Variants in DLGAP2 observed in about 807,000 individuals in gnomAD.
DLGAP2 encodes DLG associated protein 2.
DLGAP2 carries 26 observed loss-of-function variants against 100.3 expected under a neutral mutation model. The observed-to-expected ratio is 0.26, with a 90% CI of 0.19 to 0.36. DLGAP2 has a LOEUF of 0.36. Ranked by LOEUF, DLGAP2 falls within the 10% of genes least tolerant of loss-of-function variation. The pLI, the probability that DLGAP2 is intolerant of heterozygous loss-of-function variation, is 1.00. For missense variants in DLGAP2, 1,858 were observed against 1,453.2 expected, an observed-to-expected ratio of 1.28 and a Z score of -4.53; for synonymous variants, 886 against 630.1, an observed-to-expected ratio of 1.41 and a Z score of -6.08.
At chr8:1,366,058 AG>A (rs1764570134) in intron 3 of DLGAP2, among the ~76,000 whole-genome samples, 1 of 152,246 alleles carries the variant, frequency 6.6e-6, no homozygotes, top group South Asian at 2.1e-4. Flanking sequence ...GCAGCCGGGC[AG>A]GGGCAGATGT....
At chr8:1,684,293 C>T (rs568468895) in intron 12 of DLGAP2, among the ~76,000 whole-genome samples, 12 of 152,060 alleles carry the variant, frequency 7.9e-5, no homozygotes, top group African/African-American at 2.7e-4. Context: ...TGTCAAAACA[C>T]TTGTTATGCC....
intron 3 of DLGAP2, among the ~76,000 whole-genome samples, chr8:1,349,921 C>G (rs1487828333): frequency 6.6e-6 from 1 of 152,202 alleles, no homozygotes; most frequent in Non-Finnish European, 1.5e-5. Context: ...ACACATTTGC[C>G]TATATCTCTA....
At chr8:941,513 C>A (rs1176901527) in intron 2 of DLGAP2, among the ~76,000 whole-genome samples, 1 of 152,190 alleles carries the variant, frequency 6.6e-6, no homozygotes, top group Non-Finnish European at 1.5e-5. Flanking sequence ...CTTTAAAAAC[C>A]GTGGAAGAGT....
At chr8:1,516,284 TG>T (rs914753649) in intron 4 of DLGAP2, among the ~76,000 whole-genome samples, 19 of 152,034 alleles carry the variant, frequency 1.2e-4, no homozygotes, top group African/African-American at 4.6e-4. Context: ...AGTGACTGAA[TG>T]AGTGCATGAA....
At chr8:951,923 C>G (rs979006747) in intron 2 of DLGAP2, among the ~76,000 whole-genome samples, 17 of 152,350 alleles carry the variant, frequency 1.1e-4, no homozygotes, top group Admixed American at 9.1e-4. Flanking sequence ...AGCAAAGTAA[C>G]TTGAAGAGTA....
chr8:1,586,909 G>C (rs1287799154), intron 6 of DLGAP2, among the ~76,000 whole-genome samples: 1 of 152,276 alleles, frequency 6.6e-6, no homozygotes. Context: ...AAGCTTTTAT[G>C]CTTTCACCTT....
intron 1 of DLGAP2, among the ~76,000 whole-genome samples, chr8:784,946 G>A (rs560654575): frequency 5.9e-5 from 9 of 151,684 alleles, no homozygotes; most frequent in African/African-American, 1.7e-4. Context: ...GGTGGCTCAC[G>A]CCTGTAATCC....
chr8:779,984 C>G (rs1821643406), intron 1 of DLGAP2, among the ~76,000 whole-genome samples: 1 of 152,156 alleles, frequency 6.6e-6, no homozygotes, highest in Non-Finnish European at 1.5e-5. Flanking sequence ...TGTCACCTCA[C>G]CAACTTACCA....
intron 4 of DLGAP2, among the ~76,000 whole-genome samples, chr8:1,545,050 A>T (rs1266354498): frequency 6.6e-6 from 1 of 152,068 alleles, no homozygotes; most frequent in Admixed American, 6.6e-5. Flanking sequence ...GGCTTTTTGC[A>T]TCTCTATTTA....
Position 973,290 on chromosome 8 carries a change from C to T in DLGAP2, c.73+65324C>T, listed in dbSNP as rs532540585. Among the ~76,000 whole-genome samples, 492 of 148,424 alleles carry T rather than the reference C, an allele frequency of 3.3e-3. 4 individuals carry two copies. The highest frequency in any genetic ancestry group is 9.1e-3 in the African/African-American group (371 of 40,840). On this transcript the variant is annotated intron_variant, in intron 2 of 14. Coordinates refer to ENST00000637795, the MANE Select transcript of DLGAP2 (RefSeq NM_001346810.2). ...CTCCCGGACGGGGCAGCTGGCCGGG[C>T]GGGGGCTGTCCCCCCACCTCCCAGA... is the stretch of plus-strand genomic sequence containing the variant.
At chr8:1,138,161 T>C (rs1198257970) in intron 2 of DLGAP2, among the ~76,000 whole-genome samples, 1 of 151,744 alleles carries the variant, frequency 6.6e-6, no homozygotes, top group African/African-American at 2.4e-5. Flanking sequence ...GGAAACGGGG[T>C]GTCTCCCAGC....
chr8:1,669,941 A>C (rs1798648429), intron 10 of DLGAP2, among the ~76,000 whole-genome samples, 157 bp downstream of exon 10: 2 of 152,176 alleles, frequency 1.3e-5, no homozygotes, highest in African/African-American at 4.8e-5. Context: ...AGATGAGGAC[A>C]AGGGGCTCAC....
chr8:1,116,547 G>T (rs1805123354), intron 2 of DLGAP2, among the ~76,000 whole-genome samples: 1 of 152,248 alleles, frequency 6.6e-6, no homozygotes, highest in East Asian at 1.9e-4. Context: ...TACAATCCCT[G>T]CACTTAGGGA....
At chr8:1,427,723 T>C (rs1406934952) in intron 3 of DLGAP2, among the ~76,000 whole-genome samples, 1 of 152,236 alleles carries the variant, frequency 6.6e-6, no homozygotes, top group Admixed American at 6.5e-5. Context: ...TTCTCTTGTC[T>C]GCTGCCATGT....
At chr8:1,582,307 A>AGCCC (rs1292749651) in intron 6 of DLGAP2, among the ~76,000 whole-genome samples, 6 of 102,254 alleles carry the variant, frequency 5.9e-5, no homozygotes, top group Admixed American at 8.5e-5. Flanking sequence ...GATACAGATA[A>AGCCC]AACCTTAAAA....
At chr8:955,326 C>T (rs1278975788) in intron 2 of DLGAP2, among the ~76,000 whole-genome samples, 3 of 152,148 alleles carry the variant, frequency 2.0e-5, no homozygotes, top group Admixed American at 2.0e-4. Context: ...TTACAGCTTT[C>T]CAAGTGCCCA....
In DLGAP2 at chr8:981,216, C is replaced by G. The variant is rs187611759; in HGVS notation, c.73+73250C>G. Among the ~76,000 whole-genome samples the G allele has an allele frequency of 9.2e-5, 14 of 152,262 alleles. No homozygotes were observed. The East Asian group carries it at 2.3e-3, about 25-fold the overall frequency. On this transcript the variant is annotated intron_variant, in intron 2 of 14. Coordinates refer to ENST00000637795, the MANE Select transcript of DLGAP2 (RefSeq NM_001346810.2). ...GCTTATTTCACTTAGCATAGTGTTTCCAAGGCTCATCTGGGTTGTGGCATG... is the reference window on the plus strand; with the variant it reads ...GCTTATTTCACTTAGCATAGTGTTTGCAAGGCTCATCTGGGTTGTGGCATG...
At chr8:1,219,995 T>G (rs1798285694) in intron 2 of DLGAP2, among the ~76,000 whole-genome samples, 4 of 152,144 alleles carry the variant, frequency 2.6e-5, no homozygotes, top group Middle Eastern at 3.2e-3. Context: ...TATTTGGATC[T>G]TCTCTCTGTT....
At chr8:936,436 CT>C (rs1391913687) in intron 2 of DLGAP2, among the ~76,000 whole-genome samples, 1 of 152,188 alleles carries the variant, frequency 6.6e-6, no homozygotes, top group Admixed American at 6.5e-5. Context: ...CTTTTAAGAA[CT>C]TAATGCCTAG....
Sources: gnomAD v4.1 joint callset for allele counts (sites outside exome capture counted in the v4.1 genomes callset) on GRCh38, gnomAD v4.1.1 for gene constraint, MANE v1.5 for transcripts, NCBI Gene and HGNC (gene_info 2026-07-23, HGNC 2026-07-21) for gene names.